The following TEX14 variants were observed in gnomAD, a reference collection of about 807,000 sequenced individuals.
The protein encoded by TEX14 is inactive serine/threonine-protein kinase TEX14.
TEX14 carries 168 observed loss-of-function variants against 178.6 expected under a neutral mutation model. The observed-to-expected ratio is 0.94, with a 90% CI of 0.83 to 1.07. The LOEUF (loss-of-function observed/expected upper bound fraction) is 1.07. TEX14 is among the 50% of genes least tolerant of loss of function. The probability of loss-of-function intolerance (pLI) is 0.00; values close to 1 mark genes in which losing one functional copy is unlikely to be tolerated. For synonymous variants in TEX14, 626 were observed against 634.1 expected, an observed-to-expected ratio of 0.99 and a Z score of 0.19; for missense variants, 1,730 against 1,753.6, an observed-to-expected ratio of 0.99 and a Z score of 0.24.
chr17:58,619,127 G>A (rs991979770), intron 5 of TEX14, among the ~76,000 whole-genome samples: 5 of 152,194 alleles, frequency 3.3e-5, no homozygotes, highest in Non-Finnish European at 5.9e-5. Flanking sequence ...TAGCAGCAGT[G>A]GAACTGGGGG....
chr17:58,686,329 T>C (rs2047591129), intron 1 of TEX14, among the ~76,000 whole-genome samples: 1 of 152,070 alleles, frequency 6.6e-6, no homozygotes, highest in Non-Finnish European at 1.5e-5. Context: ...GTGTCAAGGA[T>C]GATTCTAGGT....
At chr17:58,622,381 G>A (rs1428460708) in intron 4 of TEX14, among the ~76,000 whole-genome samples, 1 of 151,844 alleles carries the variant, frequency 6.6e-6, no homozygotes, top group Admixed American at 6.6e-5. Flanking sequence ...AGGAGGCGGA[G>A]GTTGCAGTGA....
chr17:58,642,547 T>TA (rs1029680211), intron 2 of TEX14, among the ~76,000 whole-genome samples: 1 of 151,792 alleles, frequency 6.6e-6, no homozygotes, highest in Non-Finnish European at 1.5e-5. Context: ...TTTTTTTTTT[T>TA]ATGGAGTTTC....
chr17:58,592,306 T>C (rs1180766442), intron 15 of TEX14, among the ~76,000 whole-genome samples: 1 of 151,652 alleles, frequency 6.6e-6, no homozygotes, highest in Non-Finnish European at 1.5e-5. Context: ...CTCAGCTCAC[T>C]GCAACTTCTG....
Position 58,573,842 on chromosome 17 carries a change from T to C in TEX14, c.3383+345A>G, listed in dbSNP as rs1184666137. On this transcript the variant is annotated intron_variant, in intron 22 of 31. Coordinates refer to ENST00000349033, the MANE Select transcript of TEX14 (RefSeq NM_031272.5). The stretch of plus-strand genomic sequence containing the variant: ...CACCATAGAGACTTTCTTTGCTAGA[T>C]ACTGTAACTTTAAACATATCAGCAG... 2.0e-5 allele frequency among the ~76,000 whole-genome samples: 3 copies of C among 152,146 alleles called. No homozygotes were observed. The East Asian group carries it at 5.8e-4, about 29-fold the overall frequency.
chr17:58,609,954 A>G (rs56162835), intron 10 of TEX14, among the ~76,000 whole-genome samples: 28,172 of 152,148 alleles, frequency 0.19, 2,789 homozygotes, highest in Non-Finnish European at 0.21. Flanking sequence ...AGACAAGGGT[A>G]AGAGGAAGTA....
At chr17:58,616,086 T>C (rs2045865357) in intron 7 of TEX14, 89 bp downstream of exon 7, 3 of 1,413,538 alleles carry the variant, frequency 2.1e-6, no homozygotes, top group South Asian at 2.8e-5. Flanking sequence ...TGTGTTTGAG[T>C]AGAAACTCCC....
intron 2 of TEX14, among the ~76,000 whole-genome samples, chr17:58,640,881 G>A (rs1316284996): frequency 6.6e-6 from 1 of 151,904 alleles, no homozygotes; most frequent in Non-Finnish European, 1.5e-5. Context: ...CACCAAGTCT[G>A]GATAATTTTT....
At chr17:58,676,107 T>A (rs1222190625) in intron 1 of TEX14, among the ~76,000 whole-genome samples, 5 of 152,084 alleles carry the variant, frequency 3.3e-5, no homozygotes, top group Non-Finnish European at 7.4e-5. Flanking sequence ...CAGGTGCAGT[T>A]GCTCACGCCT....
chr17:58,571,841 T>G, intron 24 of TEX14, 80 bp downstream of exon 24: 1 of 1,243,804 alleles, frequency 8.0e-7, no homozygotes, highest in Non-Finnish European at 1.2e-6. Flanking sequence ...TTAATGAATT[T>G]GGAGAAATCT....
chr17:58,607,832 A>C (rs2045645596), intron 10 of TEX14, among the ~76,000 whole-genome samples: 1 of 152,238 alleles, frequency 6.6e-6, no homozygotes. Context: ...CCAATCATTT[A>C]AGAAACATTT....
intron 1 of TEX14, among the ~76,000 whole-genome samples, chr17:58,675,042 A>T (rs1393996172): frequency 6.6e-6 from 1 of 151,784 alleles, no homozygotes; most frequent in Non-Finnish European, 1.5e-5. Context: ...GCTTCTTGGG[A>T]GGCTGAGGCA....
intron 3 of TEX14, among the ~76,000 whole-genome samples, chr17:58,629,044 G>A (rs1292953054): frequency 6.6e-6 from 1 of 152,124 alleles, no homozygotes; most frequent in Non-Finnish European, 1.5e-5. Context: ...CAAAACCCCA[G>A]TTTCTGGTTC....
At chr17:58,631,889 T>G (rs1203215478) in intron 2 of TEX14, 1 of 152,232 alleles carries the variant, frequency 6.6e-6, no homozygotes, top group Non-Finnish European at 1.5e-5. Context: ...CATATTATGC[T>G]GATGGTGAGT....
chr17:58,617,701 A>G lies in TEX14; in HGVS notation c.555-82T>C, dbSNP rs2045904934. On this transcript the variant is annotated intron_variant, in intron 5 of 31. Coordinates refer to ENST00000349033, the MANE Select transcript of TEX14 (RefSeq NM_031272.5). ...AATAATGCTGAACCAAGTTTTCAGA[A>G]GGTGTAGTTGACTTTGTCTTTACTG... is the stretch of plus-strand genomic sequence containing the variant. 5.1e-6 allele frequency: 5 copies of G among 974,914 alleles called. No individual in the cohort carries two copies. The Admixed American group carries it at 8.5e-5, about 17-fold the overall frequency. 60.4% of individuals were successfully genotyped at this position (974,914 alleles called of 1,614,324 possible). A position where few individuals can be genotyped will look rare whatever the true frequency, so the allele number is the denominator to read the frequency against.
chr17:58,674,655 G>A (rs302869), intron 1 of TEX14, among the ~76,000 whole-genome samples: 36,421 of 151,982 alleles, frequency 0.24, 5,278 homozygotes, highest in Middle Eastern at 0.41. Flanking sequence ...GGGTGACAGA[G>A]TGAGAATCCA....
In TEX14 at chr17:58,651,960, T is replaced by C; in HGVS notation, c.42A>G (p.Gln14=). ...AVRLPVPCPV[Q]LGTLRNDSLE... ...GGGAGTCATTTCTTAAGGTACCAAG[T>C]TGAACAGGACAGGGGACTGGAAGAC... is the stretch of plus-strand genomic sequence containing the variant. The change falls in exon 2 of 32, where the codon CAA becomes CAG. Residue 14 remains glutamine, a synonymous_variant. Transcript: ENST00000349033. The C allele has an allele frequency of 6.2e-7, 1 of 1,613,320 alleles. No homozygotes were observed. Among genetic ancestry groups the C allele is most frequent in the South Asian group, 1.1e-5 (1 of 90,824 alleles).
chr17:58,577,863 G>A (rs1269551582), intron 20 of TEX14, among the ~76,000 whole-genome samples: 3 of 152,226 alleles, frequency 2.0e-5, no homozygotes, highest in Admixed American at 1.3e-4. Flanking sequence ...CTCTAACTAT[G>A]CCACTTGGCC....
intron 1 of TEX14, among the ~76,000 whole-genome samples, chr17:58,676,821 C>T (rs890469363): frequency 6.6e-6 from 1 of 151,672 alleles, no homozygotes; most frequent in African/African-American, 2.4e-5. Context: ...CCCTATGCTA[C>T]AAAAAGTTCT....
Sources: allele counts gnomAD v4.1 joint callset (sites outside exome capture counted in the v4.1 genomes callset), GRCh38; gene constraint gnomAD v4.1.1; transcripts MANE v1.5; gene names NCBI Gene and HGNC (gene_info 2026-07-23, HGNC 2026-07-21).